Variants in LMO7 observed in about 807,000 individuals in gnomAD.
LMO7 encodes the protein LIM domain 7, also known as LIM domain only protein 7.
Under a neutral mutation model 206.5 loss-of-function variants are expected in LMO7, and 120 were observed. That is an observed-to-expected ratio of 0.58 (90% CI 0.50 to 0.68). The LOEUF (loss-of-function observed/expected upper bound fraction) is 0.68. Among genes scored for constraint, LMO7 ranks in the 30% least tolerant of loss-of-function variants. LMO7 has a pLI of 0.00. For synonymous variants in LMO7, 706 were observed against 681.5 expected, an observed-to-expected ratio of 1.04 and a Z score of -0.56; for missense variants, 1,959 against 1,957.9, an observed-to-expected ratio of 1.00 and a Z score of -0.01.
chr13:75,849,117 T>C lies in LMO7; in HGVS notation c.4189T>C (p.Ser1397Pro). ...TTTAGACCAAATTGGGAACATGACC[T>C]CTTCACAGAGGAGATCCAAGAAAGA... ...KYLDQIGNMT[S>P]SQRRSKKEQV... is the part of the protein sequence containing the mutation. Residue 1397 changes from serine to proline, a missense_variant, in exon 27 of 31, where the codon TCT (serine) becomes CCT (proline). By Grantham distance (74) the Ser-to-Pro change is moderately conservative. Coordinates refer to ENST00000377534, the MANE Select transcript of LMO7 (RefSeq NM_001306080.2). The C allele has an allele frequency of 1.2e-6, 2 of 1,612,618 alleles. No homozygotes were observed. Among genetic ancestry groups the C allele is most frequent in the Non-Finnish European group, 1.7e-6 (2 of 1,178,652 alleles).
chr13:75,655,452 C>T (rs1185612138), intron 1 of LMO7, among the ~76,000 whole-genome samples: 1 of 151,978 alleles, frequency 6.6e-6, no homozygotes, highest in African/African-American at 2.4e-5. Context: ...ATTTGATTGT[C>T]ATCTCAGATA....
At chr13:75,751,230 G>A (rs1205683963) in intron 3 of LMO7, among the ~76,000 whole-genome samples, 1 of 126,488 alleles carries the variant, frequency 7.9e-6, no homozygotes, top group African/African-American at 3.0e-5. Flanking sequence ...GCGTGATCTC[G>A]GCTCACTGCA....
intron 1 of LMO7, among the ~76,000 whole-genome samples, chr13:75,644,538 C>T (rs1043048090): frequency 4.6e-5 from 7 of 152,298 alleles, no homozygotes; most frequent in Admixed American, 3.9e-4. Flanking sequence ...ATACAACTTC[C>T]GCTCACCAGC....
Position 75,636,464 on chromosome 13 carries a change from C to T in LMO7, c.-194C>T. On this transcript the variant is annotated 5_prime_UTR_variant, in exon 1 of 31. Transcript: ENST00000377534. ...TTAGAGAAAGCCAGGTCTTCACGTTCGTGTAGGTTCGAGACCTTAACGAAC... is the reference window on the plus strand; with the variant it reads ...TTAGAGAAAGCCAGGTCTTCACGTTTGTGTAGGTTCGAGACCTTAACGAAC... 7.0e-7 allele frequency: 1 copy of T among 1,428,964 alleles called. No homozygotes were observed. The highest frequency in any genetic ancestry group is 2.6e-5 in the East Asian group (1 of 38,512). 88.5% of individuals were successfully genotyped at this position (1,428,964 alleles called of 1,614,324 possible).
At chr13:75,694,574 G>A (rs1743744526) in intron 1 of LMO7, among the ~76,000 whole-genome samples, 3 of 152,176 alleles carry the variant, frequency 2.0e-5, no homozygotes, top group African/African-American at 4.8e-5. Flanking sequence ...TGCCAGAGAA[G>A]CCTAGAACCA....
chr13:75,766,146 T>G (rs116580195), intron 4 of LMO7, among the ~76,000 whole-genome samples: 164 of 152,294 alleles, frequency 1.1e-3, no homozygotes, highest in African/African-American at 3.7e-3. Context: ...GAAGAGATTC[T>G]TCTTTCAAAT....
chr13:75,799,071 G>A (rs1214356016), intron 6 of LMO7, among the ~76,000 whole-genome samples: 1 of 152,238 alleles, frequency 6.6e-6, no homozygotes, highest in Non-Finnish European at 1.5e-5. Flanking sequence ...ATGTAAGGTA[G>A]GCACTTGCAT....
chr13:75,712,194 C>T (rs1481395953), intron 1 of LMO7, among the ~76,000 whole-genome samples: 1 of 152,122 alleles, frequency 6.6e-6, no homozygotes, highest in Non-Finnish European at 1.5e-5. Flanking sequence ...CTGGAGCCAA[C>T]CTGGGATTTA....
intron 4 of LMO7, among the ~76,000 whole-genome samples, chr13:75,778,906 G>T (rs1351501570): frequency 6.6e-6 from 1 of 152,158 alleles, no homozygotes; most frequent in Admixed American, 6.5e-5. Context: ...ATTTTAGGAA[G>T]GTCCTGGAGG....
intron 3 of LMO7, among the ~76,000 whole-genome samples, chr13:75,747,764 G>T (rs1022456111): frequency 6.6e-6 from 1 of 152,172 alleles, no homozygotes; most frequent in Non-Finnish European, 1.5e-5. Context: ...ATGTTACAAG[G>T]CAAGGAAGAA....
intron 2 of LMO7, among the ~76,000 whole-genome samples, chr13:75,720,235 C>CT (rs764963932): frequency 1.3e-5 from 2 of 151,918 alleles, no homozygotes; most frequent in Non-Finnish European, 2.9e-5. Context: ...GATAAGAGTC[C>CT]TTTTTCAGAT....
At chr13:75,756,332 C>A (rs1339671453) in intron 3 of LMO7, among the ~76,000 whole-genome samples, 3 of 152,172 alleles carry the variant, frequency 2.0e-5, no homozygotes, top group African/African-American at 7.2e-5. Flanking sequence ...TGCAGAAACA[C>A]TGCCAGCTGA....
chr13:75,737,646 G>A (rs1352945024), intron 3 of LMO7, among the ~76,000 whole-genome samples: 2 of 144,494 alleles, frequency 1.4e-5, no homozygotes, highest in African/African-American at 2.6e-5. Context: ...CCAGCTACTC[G>A]GGAGGCTGAG....
intron 4 of LMO7, among the ~76,000 whole-genome samples, chr13:75,784,076 T>A (rs975851359): frequency 1.3e-5 from 2 of 152,140 alleles, no homozygotes; most frequent in African/African-American, 4.8e-5. Context: ...TGGAGACATT[T>A]CTGATTTTCA....
intron 1 of LMO7, among the ~76,000 whole-genome samples, chr13:75,678,170 G>C (rs1013818882): frequency 6.6e-6 from 1 of 152,138 alleles, no homozygotes. Flanking sequence ...TAATGGGATT[G>C]CTGGGTCAAA....
intron 1 of LMO7, among the ~76,000 whole-genome samples, chr13:75,695,279 A>G (rs867784649): frequency 4.0e-4 from 61 of 152,326 alleles, no homozygotes; most frequent in Middle Eastern, 6.8e-3. Context: ...GTCTCACTGA[A>G]TCAAGGTGAT....
rs745484498 is a variant in LMO7 at position 75,727,080 on chromosome 13, T to C, written c.192T>C (p.Ser64=). 1.3e-6 allele frequency: 2 copies of C among 1,584,964 alleles called. No homozygotes were observed. The highest frequency in any genetic ancestry group is 1.7e-5 in the Admixed American group (1 of 59,522). The change falls in exon 3 of 31, where the codon TCT becomes TCC. Residue 64 remains serine (S), a synonymous_variant. Transcript: ENST00000377534. ...PGVIKKINRL[S]TPIAGLDNIN... ...TCATTAAGAAGATCAATAGACTGTC[T>C]ACACCAATAGCAGGATTGGTAAGTA...
At chr13:75,851,105 A>G (rs1305232520) in intron 27 of LMO7, among the ~76,000 whole-genome samples, 2 of 152,178 alleles carry the variant, frequency 1.3e-5, no homozygotes, top group East Asian at 1.9e-4. Flanking sequence ...CTGATGCCCC[A>G]TTGGCCAAAT....
intron 2 of LMO7, among the ~76,000 whole-genome samples, chr13:75,721,381 A>T (rs1472394298): frequency 6.6e-6 from 1 of 152,180 alleles, no homozygotes; most frequent in African/African-American, 2.4e-5. Flanking sequence ...GTGCTAGGCG[A>T]TGCTGTTTGG....
Sources: gnomAD v4.1 joint callset for allele counts (sites outside exome capture counted in the v4.1 genomes callset) on GRCh38, gnomAD v4.1.1 for gene constraint, MANE v1.5 for transcripts, NCBI Gene and HGNC (gene_info 2026-07-23, HGNC 2026-07-21) for gene names.